Variants in PSMD1 observed in about 807,000 individuals in gnomAD.
PSMD1 encodes the protein 26S proteasome non-ATPase regulatory subunit 1.
In PSMD1, 18 loss-of-function variants were observed where a neutral mutation model predicts 119.0. The ratio of observed to expected loss-of-function variants is 0.15; its 90% CI spans 0.10 to 0.22. PSMD1 has a LOEUF of 0.22. Among genes scored for constraint, PSMD1 ranks in the 10% least tolerant of loss-of-function variants. PSMD1 has a pLI of 1.00. For synonymous variants in PSMD1, 374 were observed against 396.6 expected (o/e 0.94, Z 0.68); for missense variants, 702 against 1,158.5 (o/e 0.61, Z 5.72).
intron 12 of PSMD1, among the ~76,000 whole-genome samples, chr2:231,080,721 A>T (rs370009181): frequency 1.6e-4 from 24 of 152,242 alleles, no homozygotes; most frequent in African/African-American, 5.8e-4. Flanking sequence ...AAAGCTTACT[A>T]AGTAGCCCTG....
intron 16 of PSMD1, among the ~76,000 whole-genome samples, chr2:231,135,295 G>A (rs1695941901): frequency 6.6e-6 from 1 of 152,086 alleles, no homozygotes; most frequent in Non-Finnish European, 1.5e-5. Context: ...AAGAAAAGTT[G>A]TCCTATAATA....
intron 17 of PSMD1, among the ~76,000 whole-genome samples, chr2:231,141,563 C>T (rs944234482): frequency 1.3e-5 from 2 of 151,484 alleles, no homozygotes; most frequent in Non-Finnish European, 2.9e-5. Flanking sequence ...ACTGCAAACG[C>T]ATACCACCAT....
chr2:231,159,620 A>G (rs1222576331), intron 19 of PSMD1, among the ~76,000 whole-genome samples: 2 of 152,146 alleles, frequency 1.3e-5, no homozygotes, highest in Non-Finnish European at 2.9e-5. Flanking sequence ...TGAGTTGGTA[A>G]TCCCTCATAG....
intron 16 of PSMD1, among the ~76,000 whole-genome samples, chr2:231,095,889 G>T (rs929850371): frequency 1.3e-5 from 2 of 152,196 alleles, no homozygotes; most frequent in African/African-American, 2.4e-5. Flanking sequence ...TCCGAGGGCT[G>T]TTTGACAATT....
intron 16 of PSMD1, chr2:231,125,130 G>GCCAA (rs1236280188): frequency 6.6e-6 from 1 of 152,198 alleles, no homozygotes; most frequent in Non-Finnish European, 1.5e-5. Context: ...CTGCAAGCAT[G>GCCAA]CCAAGGAGGT....
At chr2:231,142,144 A>G (rs1008998743) in intron 17 of PSMD1, among the ~76,000 whole-genome samples, 1 of 152,118 alleles carries the variant, frequency 6.6e-6, no homozygotes, top group Non-Finnish European at 1.5e-5. Context: ...CAGCTTCCCA[A>G]AGTGCTGGGA....
intron 16 of PSMD1, among the ~76,000 whole-genome samples, chr2:231,137,210 C>T (rs879401217): frequency 4.6e-5 from 7 of 151,466 alleles, no homozygotes; most frequent in Admixed American, 2.6e-4. Context: ...CTCTGCCTCC[C>T]GGGTTCAAGG....
At chr2:231,069,348 T>C (rs1301897165) in intron 5 of PSMD1, among the ~76,000 whole-genome samples, 1 of 152,244 alleles carries the variant, frequency 6.6e-6, no homozygotes, top group Non-Finnish European at 1.5e-5. Flanking sequence ...TTTAATTTGC[T>C]AGTCACACTT....
At chr2:231,059,563 A>G (rs982794145) in intron 1 of PSMD1, among the ~76,000 whole-genome samples, 2 of 152,326 alleles carry the variant, frequency 1.3e-5, no homozygotes, top group East Asian at 1.9e-4. Context: ...TTTTTTAAAC[A>G]TAATACAGAC....
chr2:231,097,113 T>A (rs1414280839), intron 16 of PSMD1, among the ~76,000 whole-genome samples: 2 of 152,180 alleles, frequency 1.3e-5, no homozygotes, highest in Admixed American at 1.3e-4. Flanking sequence ...CTTAGTTGTT[T>A]TGCTTGATTT....
chr2:231,135,843 A>G (rs1695953758), intron 16 of PSMD1, among the ~76,000 whole-genome samples: 1 of 152,200 alleles, frequency 6.6e-6, no homozygotes, highest in Admixed American at 6.5e-5. Context: ...TATTCATACA[A>G]GGAAGTTTAG....
chr2:231,073,494 A>G (rs1694088138), intron 7 of PSMD1, among the ~76,000 whole-genome samples: 1 of 152,048 alleles, frequency 6.6e-6, no homozygotes, highest in Non-Finnish European at 1.5e-5. Flanking sequence ...TTCTTTTTCA[A>G]GATTCTTTGG....
At chr2:231,089,657 C>G (rs1205543956) in intron 16 of PSMD1, among the ~76,000 whole-genome samples, 1 of 151,908 alleles carries the variant, frequency 6.6e-6, no homozygotes, top group African/African-American at 2.4e-5. Context: ...CAAGGTCCCA[C>G]AATAGGCTGT....
intron 1 of PSMD1, among the ~76,000 whole-genome samples, chr2:231,057,626 C>T (rs1323112196): frequency 6.6e-6 from 1 of 152,224 alleles, no homozygotes; most frequent in Non-Finnish European, 1.5e-5. Context: ...TAAAGACGCC[C>T]TGGAGATACC....
chr2:231,143,101 A>G (rs1696166347), intron 17 of PSMD1, among the ~76,000 whole-genome samples: 1 of 151,682 alleles, frequency 6.6e-6, no homozygotes, highest in South Asian at 2.1e-4. Flanking sequence ...CTTGTAAGGG[A>G]TGTTGTGGGG....
chr2:231,085,961 AT>A (rs1411191604), intron 15 of PSMD1, among the ~76,000 whole-genome samples: 1 of 151,930 alleles, frequency 6.6e-6, no homozygotes, highest in African/African-American at 2.4e-5. Context: ...TTAATAAATA[AT>A]TTTTTTAGCA....
intron 16 of PSMD1, among the ~76,000 whole-genome samples, chr2:231,100,145 C>A (rs1694828859): frequency 6.6e-6 from 1 of 152,180 alleles, no homozygotes; most frequent in Non-Finnish European, 1.5e-5. Flanking sequence ...GGAATGCAAT[C>A]ATGGGCGAGC....
chr2:231,108,475 C>A (rs1695030211), intron 16 of PSMD1: 2 of 1,436,114 alleles, frequency 1.4e-6, no homozygotes, highest in Non-Finnish European at 2.0e-6. Context: ...TCTCATTCAT[C>A]ATCTTACTCA....
rs935583065 is a variant in PSMD1 at position 231,170,540 on chromosome 2, G to A, written c.2716-26G>A. Reference sequence around the variant, plus strand: ...GAGCACGCTTGAAATATGAGTGTACGCTTCTGCACGCCCCTGTGTTTCCAG... The same window carrying A: ...GAGCACGCTTGAAATATGAGTGTACACTTCTGCACGCCCCTGTGTTTCCAG... On this transcript the variant is annotated intron_variant, in intron 23 of 24. Transcript: ENST00000308696. This position sits in a 1 kb window ranked among gnomAD's most constrained non-coding sequence, Gnocchi z 4.1. The A allele has an allele frequency of 7.0e-6, 11 of 1,581,734 alleles. No individual in the cohort carries two copies. Among genetic ancestry groups the A allele is most frequent in the African/African-American group, 2.7e-5 (2 of 73,156 alleles).
Sources: allele counts gnomAD v4.1 joint callset (sites outside exome capture counted in the v4.1 genomes callset), GRCh38; gene constraint gnomAD v4.1.1; non-coding constraint Gnocchi (gnomAD v3.1); transcripts MANE v1.5; gene names NCBI Gene and HGNC (gene_info 2026-07-23, HGNC 2026-07-21).